The following FAM217B variants were observed in gnomAD, a reference collection of about 807,000 sequenced individuals.
FAM217B encodes family with sequence similarity 217 member B.
For synonymous variants in FAM217B, 163 were observed against 173.0 expected (o/e 0.94, Z 0.45); for missense variants, 463 against 456.9 (o/e 1.01, Z -0.12).
chr20:59,939,121 C>T (rs371051588), upstream of FAM217B: 10 of 1,605,416 alleles, frequency 6.2e-6, no homozygotes, highest in African/African-American at 1.1e-4. Flanking sequence ...TCTCGGTGGT[C>T]GTTGTTGTCC....
chr20:59,938,788 C>A, upstream of FAM217B: 1 of 374,672 alleles, frequency 2.7e-6, no homozygotes, highest in Non-Finnish European at 4.7e-6. Flanking sequence ...CCCCACCACC[C>A]TGCCCCAACT....
At position 59,948,006 on chromosome 20, in the gene FAM217B, T is replaced by A; in HGVS notation, c.*2911T>A. The stretch of plus-strand genomic sequence containing the variant: ...GGGAGTTGTTTACATATACCCTGCA[T>A]TTAAACCAATTAAAACAATCCAAGT... On this transcript the variant is annotated 3_prime_UTR_variant, in exon 4 of 4. Transcript: ENST00000360816. 6.2e-6 allele frequency: 1 copy of A among 162,112 alleles called. No homozygotes were observed. The allele number at this position is 162,112 out of a possible 1,614,324, so 10.0% of individuals were successfully genotyped here.
Position 59,946,098 on chromosome 20 carries a change from A to C in FAM217B, c.*1003A>C, listed in dbSNP as rs965613722. 2 of 167,066 alleles carry C rather than the reference A, an allele frequency of 1.2e-5. No homozygotes were observed. The highest frequency in any genetic ancestry group is 2.4e-5 in the African/African-American group (1 of 41,454). 10.3% of individuals were successfully genotyped at this position (167,066 alleles called of 1,614,324 possible). A position where few individuals can be genotyped will look rare whatever the true frequency, so the allele number is the denominator to read the frequency against. ...ATGATCTGTTTCAGTTTGCAAGAGCAGGATTTTATTATTTTGCTTGGGGTG... is the reference window on the plus strand; with the variant it reads ...ATGATCTGTTTCAGTTTGCAAGAGCCGGATTTTATTATTTTGCTTGGGGTG... On this transcript the variant is annotated 3_prime_UTR_variant, in exon 4 of 4. Coordinates refer to ENST00000360816, the MANE Select transcript of FAM217B (RefSeq NM_022106.3).
upstream of FAM217B, chr20:59,938,997 G>C: frequency 6.7e-7 from 1 of 1,485,764 alleles, no homozygotes; most frequent in Non-Finnish European, 8.9e-7. Flanking sequence ...CGCAGCTTAG[G>C]TGTGGAGGCT....
rs1457564626 is a variant in FAM217B, at chr20:59,945,319, G to A, written c.*224G>A. 4.6e-6 allele frequency: 2 copies of A among 436,966 alleles called. No homozygotes were observed. The highest frequency in any genetic ancestry group is 2.0e-5 in the African/African-American group (1 of 49,206). The allele number at this position is 436,966 out of a possible 1,614,324, so 27.1% of individuals were successfully genotyped here. A position where few individuals can be genotyped will look rare whatever the true frequency, so the allele number is the denominator to read the frequency against. On this transcript the variant is annotated 3_prime_UTR_variant, in exon 4 of 4. Coordinates refer to ENST00000360816, the MANE Select transcript of FAM217B (RefSeq NM_022106.3). Reference sequence around the variant, plus strand: ...TATTGTCAGTCTTAGGCAAATGAGAGCCCTTTAGATAAAAATTATGTAAAA... The same window carrying A: ...TATTGTCAGTCTTAGGCAAATGAGAACCCTTTAGATAAAAATTATGTAAAA...
Position 59,944,822 on chromosome 20 carries a change from G to A in FAM217B, c.879G>A (p.Lys293=), listed in dbSNP as rs774807012. ...RQTLEMRTEE[K]KKKSSKSTKL... ...CCCTTGAAATGAGGACAGAAGAAAA[G>A]AAAAAGAAATCAAGTAAGAGTACGA... is the stretch of plus-strand genomic sequence containing the variant. The change falls in exon 4 of 4, where the codon AAG becomes AAA. Residue 293 remains lysine (K), a synonymous_variant. Transcript: ENST00000360816. 7 of 1,614,162 alleles carry A rather than the reference G, an allele frequency of 4.3e-6. No homozygotes were observed. Among genetic ancestry groups the A allele is most frequent in the Non-Finnish European group, 3.4e-6 (4 of 1,180,018 alleles).
rs763264007 is a variant in FAM217B at position 59,944,125 on chromosome 20, A to G, written c.182A>G (p.Asn61Ser). The change falls in exon 4 of 4, where the codon AAT (asparagine) becomes AGT (serine). Residue 61 changes from asparagine (N) to serine (S), a missense_variant. Asn to Ser is a conservative substitution (Grantham distance 46, BLOSUM62 1). Transcript: ENST00000360816. ...TCCCCGGAAGCAAGACGCAAAAGGA[A>G]TCCACTCGGTTCCAGGTGTCAGGGG... ...SISPEARRKR[N>S]PLGSRCQGAS... 6.2e-7 allele frequency: 1 copy of G among 1,614,146 alleles called. No individual in the cohort carries two copies. The highest frequency in any genetic ancestry group is 8.5e-7 in the Non-Finnish European group (1 of 1,180,010).
upstream of FAM217B, chr20:59,938,970 A>G (rs902008790): frequency 4.2e-6 from 6 of 1,420,072 alleles, no homozygotes; most frequent in Non-Finnish European, 5.6e-6. Flanking sequence ...AGAGCCCAGC[A>G]GGGAAATGAC....
upstream of FAM217B, among the ~76,000 whole-genome samples, chr20:59,936,156 AAC>A (rs1419426449): frequency 6.6e-6 from 1 of 152,224 alleles, no homozygotes; most frequent in African/African-American, 2.4e-5. Flanking sequence ...AGACAACTGT[AAC>A]ACAAGGGTAT....
At chr20:59,934,557 A>G (rs915388712) in intron 1 of FAM217B, among the ~76,000 whole-genome samples, 2 of 152,216 alleles carry the variant, frequency 1.3e-5, no homozygotes, top group African/African-American at 4.8e-5. Context: ...ACTTCATCCG[A>G]GGAATTCAAT....
upstream of FAM217B, chr20:59,940,101 T>G: frequency 2.2e-6 from 1 of 454,676 alleles, no homozygotes; most frequent in South Asian, 1.3e-4. Context: ...GCTCCTCGAG[T>G]CCTTGTCCAG....
intron 1 of FAM217B, among the ~76,000 whole-genome samples, chr20:59,941,095 A>G (rs1164432902): frequency 6.6e-6 from 1 of 152,222 alleles, no homozygotes; most frequent in African/African-American, 2.4e-5. Context: ...AGAACCCTGC[A>G]GGCATTCGTG....
At chr20:59,936,397 A>G (rs1014233139), upstream of FAM217B, among the ~76,000 whole-genome samples, 14 of 152,262 alleles carry the variant, frequency 9.2e-5, no homozygotes, top group African/African-American at 3.4e-4. Flanking sequence ...CACTGTGGCC[A>G]AGCAAATAAG....
chr20:59,944,834 A>G lies in FAM217B; in HGVS notation c.891A>G (p.Ser297=). ...EMRTEEKKKK[S]SKSTKLQRWD... ...GGACAGAAGAAAAGAAAAAGAAATC[A>G]AGTAAGAGTACGAAGCTGCAGCGCT... Residue 297 remains serine, a synonymous_variant, in exon 4 of 4, where the codon TCA becomes TCG. Transcript: ENST00000360816. 1 of 1,614,190 alleles carries G rather than the reference A, an allele frequency of 6.2e-7. No homozygotes were observed. Among genetic ancestry groups the G allele is most frequent in the Non-Finnish European group, 8.5e-7 (1 of 1,180,024 alleles).
At chr20:59,939,377 C>T, upstream of FAM217B, 1 of 1,610,588 alleles carries the variant, frequency 6.2e-7, no homozygotes, top group South Asian at 1.1e-5. Context: ...TGCCAAGGTC[C>T]GAGCAAGTGA....
At chr20:59,934,318 C>T (rs2060839781) in intron 1 of FAM217B, among the ~76,000 whole-genome samples, 1 of 152,254 alleles carries the variant, frequency 6.6e-6, no homozygotes, top group African/African-American at 2.4e-5. Flanking sequence ...ATCCGTTTAA[C>T]TTATGCAGCC....
At chr20:59,935,594 C>G (rs1043762805), upstream of FAM217B, among the ~76,000 whole-genome samples, 2 of 152,092 alleles carry the variant, frequency 1.3e-5, no homozygotes, top group Non-Finnish European at 2.9e-5. Context: ...ATAGCTAGGC[C>G]CTATCTCTAC....
chr20:59,944,807 G>A lies in FAM217B; in HGVS notation c.864G>A (p.Met288Ile), dbSNP rs147711738. Residue 288 changes from methionine (M) to isoleucine (I), a missense_variant, in exon 4 of 4, where the codon ATG becomes ATA. Transcript: ENST00000360816. ...RFCSQRQTLEMRTEEKKKKSS... is the reference protein window; with the variant it reads ...RFCSQRQTLEIRTEEKKKKSS... ...GTTCTCAGAGGCAAACCCTTGAAAT[G>A]AGGACAGAAGAAAAGAAAAAGAAAT... The A allele has an allele frequency of 1.9e-5, 30 of 1,614,068 alleles. No individual in the cohort carries two copies. In the African/African-American group the frequency reaches 2.8e-4, roughly 15 times the overall value.
rs756030883 is a variant in FAM217B, at chr20:59,943,959, T to G, written c.16T>G (p.Ser6Ala). MNAGP[S>A]WNKVQHSKNS... ...TCACAGCAATATGAATGCTGGCCCA[T>G]CTTGGAATAAAGTGCAACATTCAAA... The change falls in exon 4 of 4, where the codon TCT becomes GCT. Residue 6 changes from serine (S) to alanine (A), a missense_variant. By Grantham distance (99) the Ser-to-Ala change is moderately conservative. Coordinates refer to ENST00000360816, the MANE Select transcript of FAM217B (RefSeq NM_022106.3). The G allele has an allele frequency of 2.6e-5, 42 of 1,601,816 alleles. 1 individual carries two copies. The highest frequency in any genetic ancestry group is 3.3e-4 in the Middle Eastern group (2 of 6,002).
Sources: allele counts gnomAD v4.1 joint callset (sites outside exome capture counted in the v4.1 genomes callset), GRCh38; gene constraint gnomAD v4.1.1; transcripts MANE v1.5; gene names NCBI Gene and HGNC (gene_info 2026-07-23, HGNC 2026-07-21).